Variants in STARD9 observed in about 807,000 individuals in gnomAD.
STARD9 encodes StAR related lipid transfer domain containing 9, also known as stAR-related lipid transfer protein 9.
STARD9 carries 346 observed loss-of-function variants against 399.8 expected under a neutral mutation model. The observed-to-expected ratio is 0.87, with a 90% confidence interval of 0.79 to 0.95. The LOEUF is 0.95. Among genes scored for constraint, STARD9 ranks in the 40% least tolerant of loss-of-function variants. The pLI is 0.00. For missense variants in STARD9, 5,832 were observed against 5,667.5 expected, an observed-to-expected ratio of 1.03 and a Z score of -0.93; for synonymous variants, 2,203 against 2,143.5, an observed-to-expected ratio of 1.03 and a Z score of -0.77.
At position 42,681,295 on chromosome 15, in the gene STARD9, A is replaced by G. The variant is rs2060421695; in HGVS notation, c.1875-127A>G. On this transcript the variant is annotated intron_variant, in intron 20 of 32. Transcript: ENST00000290607. ...CCAGGCCTGTTTGTCCAAGGTTGCCAGAAGTCCAAAGCACTCTCTACCCTG... is the reference window on the plus strand; with the variant it reads ...CCAGGCCTGTTTGTCCAAGGTTGCCGGAAGTCCAAAGCACTCTCTACCCTG... 4.4e-5 allele frequency: 41 copies of G among 939,428 alleles called. No individual in the cohort carries two copies. In the South Asian group the frequency reaches 6.5e-4, roughly 15 times the overall value. 58.2% of individuals were successfully genotyped at this position (939,428 alleles called of 1,614,324 possible). A position where few individuals can be genotyped will look rare whatever the true frequency, so the allele number is the denominator to read the frequency against.
chr15:42,675,516 GAT>G, intron 18 of STARD9, 146 bp from the exon 19 acceptor site: 1 of 622,280 alleles, frequency 1.6e-6, no homozygotes, highest in East Asian at 2.8e-5. Flanking sequence ...TATGCTGTGA[GAT>G]GCAGAATTAA....
At chr15:42,649,828 ACTGGGATTACAGGCATGAGGCACCGAGC>A (rs1566903451) in intron 7 of STARD9, among the ~76,000 whole-genome samples, 10 of 144,690 alleles carry the variant, frequency 6.9e-5, no homozygotes, top group African/African-American at 2.6e-4. Context: ...CCAAAGTAGT[ACTGGGATTACAGGCATGAGGCACCGAGC>A]CTGGCCTTTT....
At chr15:42,646,208 TA>T (rs150907526) in intron 7 of STARD9, among the ~76,000 whole-genome samples, 14 of 152,032 alleles carry the variant, frequency 9.2e-5, no homozygotes, top group Non-Finnish European at 1.8e-4. Flanking sequence ...AATAATAAAA[TA>T]AAGTCACCAG....
At chr15:42,702,235 G>A (rs2060981159) in intron 26 of STARD9, among the ~76,000 whole-genome samples, 1 of 152,014 alleles carries the variant, frequency 6.6e-6, no homozygotes, top group Non-Finnish European at 1.5e-5. Flanking sequence ...TCAGAGTCTT[G>A]CTCTGTCGCC....
chr15:42,695,291 A>AT lies in STARD9; in HGVS notation c.13115dup (p.His4373ProfsTer14), dbSNP rs775407998. The AT allele has an allele frequency of 2.1e-5, 32 of 1,536,498 alleles. No homozygotes were observed. The South Asian group carries it at 3.7e-4, about 18-fold the overall frequency. ...GCGGACTGAACAAGAGAAGCTGAGA[A>AT]TCCACCAGAAGATCATTTCCCAGCT... On this transcript the variant is annotated frameshift_variant, in exon 25 of 33. Coordinates refer to ENST00000290607, the MANE Select transcript of STARD9 (RefSeq NM_020759.3). LOFTEE classifies it high-confidence loss of function.
Position 42,691,444 on chromosome 15 carries a change from G to A in STARD9, c.9866G>A (p.Gly3289Asp), listed in dbSNP as rs1462519043. 6 of 1,537,052 alleles carry A rather than the reference G, an allele frequency of 3.9e-6. No individual in the cohort carries two copies. In the African/African-American group the frequency reaches 4.1e-5, roughly 11 times the overall value. Residue 3289 changes from glycine to aspartate, a missense_variant, in exon 23 of 33, where the codon GGC becomes GAC. Physicochemically the swap from Gly to Asp is moderately conservative, Grantham distance 94. Coordinates refer to ENST00000290607, the MANE Select transcript of STARD9 (RefSeq NM_020759.3). ...CCGCAGCCTGCTGCTCAGAGGAGTG[G>A]CCACCTCTACACTGGCAGAGAGCAG... ...ETPQPAAQRSGHLYTGREQPA... is the reference protein window; with the variant it reads ...ETPQPAAQRSDHLYTGREQPA...
intron 1 of STARD9, among the ~76,000 whole-genome samples, chr15:42,577,442 T>C (rs964769001): frequency 6.6e-6 from 1 of 152,234 alleles, no homozygotes; most frequent in East Asian, 1.9e-4. Flanking sequence ...CGTGAGCCAC[T>C]GCGCCCAGCC....
chr15:42,681,299 GT>G, intron 20 of STARD9, 122 bp from the exon 21 acceptor site: 1 of 1,016,586 alleles, frequency 9.8e-7, no homozygotes. Flanking sequence ...GTTGCCAGAA[GT>G]CCAAAGCACT....
At chr15:42,583,655 A>G (rs2058218078) in intron 2 of STARD9, among the ~76,000 whole-genome samples, 1 of 152,170 alleles carries the variant, frequency 6.6e-6, no homozygotes, top group South Asian at 2.1e-4. Context: ...TGTTTTGGAA[A>G]TTAGTTGGTA....
Position 42,693,836 on chromosome 15 carries a change from C to T in STARD9, c.12258C>T (p.Ser4086=). The change falls in exon 23 of 33, where the codon AGC becomes AGT. Residue 4086 remains serine (S), a synonymous_variant. Transcript: ENST00000290607. The part of the protein sequence containing the change: ...PSSWGGLQHL[S]PCPVSELTDT... ...CATGGGGAGGCCTCCAGCACCTCAG[C>T]CCCTGCCCTGTCTCTGAGTTGACTG... 10 of 1,536,772 alleles carry T rather than the reference C, an allele frequency of 6.5e-6. No individual in the cohort carries two copies. Among genetic ancestry groups the T allele is most frequent in the Non-Finnish European group, 7.8e-6 (9 of 1,146,748 alleles).
At chr15:42,578,570 C>T (rs1275541192) in intron 1 of STARD9, among the ~76,000 whole-genome samples, 1 of 151,942 alleles carries the variant, frequency 6.6e-6, no homozygotes, top group Non-Finnish European at 1.5e-5. Context: ...ATACTGTAGG[C>T]TCTAGAAGAC....
rs760365912 is a variant in STARD9, at chr15:42,662,893, T to C, written c.868+2T>C. On this transcript the variant is annotated splice_donor_variant, in intron 11 of 32. Coordinates refer to ENST00000290607, the MANE Select transcript of STARD9 (RefSeq NM_020759.3). LOFTEE classifies it high-confidence loss of function. The stretch of plus-strand genomic sequence containing the variant: ...TAGGAATTGTCATCTCCACCTTAGG[T>C]ATTTTCTGATAGATAATGGGAGTGG... 1 of 1,525,314 alleles carries C rather than the reference T, an allele frequency of 6.6e-7. No individual in the cohort carries two copies. The highest frequency in any genetic ancestry group is 8.8e-7 in the Non-Finnish European group (1 of 1,136,106). 94.5% of individuals were successfully genotyped at this position (1,525,314 alleles called of 1,614,324 possible).
chr15:42,587,291 C>G lies in STARD9; in HGVS notation c.234+1654C>G, dbSNP rs138770997. On this transcript the variant is annotated intron_variant, in intron 3 of 32. Transcript: ENST00000290607. ...TTCTAAATCACAGATTTAGATATTT[C>G]TAAATTTAAATATTTCTAAATTACC... Among the ~76,000 whole-genome samples, 1,357 of 152,230 alleles carry G rather than the reference C, an allele frequency of 8.9e-3. 26 individuals carry two copies. Among genetic ancestry groups the G allele is most frequent in the African/African-American group, 0.031 (1,297 of 41,520 alleles).
intron 3 of STARD9, among the ~76,000 whole-genome samples, chr15:42,608,619 T>A (rs999259904): frequency 6.6e-6 from 1 of 152,208 alleles, no homozygotes; most frequent in Non-Finnish European, 1.5e-5. Context: ...TGTTTTCTTA[T>A]ATAAAATTAT....
chr15:42,687,324 C>T lies in STARD9; in HGVS notation c.5746C>T (p.Arg1916Ter), dbSNP rs1021722320. The T allele has an allele frequency of 4.6e-6, 7 of 1,536,578 alleles. No homozygotes were observed. The highest frequency in any genetic ancestry group is 3.6e-5 in the South Asian group (3 of 84,070). Residue 1916 changes from arginine (R) to a stop codon, truncating the protein, a stop_gained, in exon 23 of 33, where the codon CGA becomes TGA. Coordinates refer to ENST00000290607, the MANE Select transcript of STARD9 (RefSeq NM_020759.3). LOFTEE classifies it high-confidence loss of function. Reference sequence around the variant, plus strand: ...TCTCCTCTTTCGTGAATCTGAGGCACGAGAGGAAGAAGAGCTGGATCAGAA... The same window carrying T: ...TCTCCTCTTTCGTGAATCTGAGGCATGAGAGGAAGAAGAGCTGGATCAGAA... Reference protein sequence around the residue: ...KSLLFRESEAREEEELDQNTV... With the variant: ...KSLLFRESEA
In STARD9 at chr15:42,638,221, G is replaced by A. The variant is rs59881302; in HGVS notation, c.446+134G>A. 0.014 allele frequency: 10,853 copies of A among 784,876 alleles called. 580 individuals carry two copies. In the African/African-American group the frequency reaches 0.14, roughly 10 times the overall value. 48.6% of individuals were successfully genotyped at this position (784,876 alleles called of 1,614,324 possible). ...AAAGCCACAGAAGAAATATCTTGCA[G>A]TACAAGAGCTGAGAAAGATACTTAG... On this transcript the variant is annotated intron_variant, in intron 6 of 32. Transcript: ENST00000290607.
chr15:42,699,033 G>A (rs1489615941), intron 26 of STARD9, among the ~76,000 whole-genome samples: 2 of 148,564 alleles, frequency 1.3e-5, no homozygotes, highest in African/African-American at 5.0e-5. Flanking sequence ...AAAAAAAATT[G>A]TCTTATTTTA....
chr15:42,644,299 C>G (rs916971972), intron 7 of STARD9, among the ~76,000 whole-genome samples: 2 of 152,138 alleles, frequency 1.3e-5, no homozygotes, highest in African/African-American at 2.4e-5. Context: ...AGAGACCATC[C>G]TGGCTAACAT....
intron 26 of STARD9, among the ~76,000 whole-genome samples, chr15:42,696,777 C>T (rs146328575): frequency 3.9e-5 from 6 of 151,940 alleles, no homozygotes; most frequent in African/African-American, 1.2e-4. Flanking sequence ...GAAGGAAGAG[C>T]GGGGAGTTGA....
Sources: allele counts gnomAD v4.1 joint callset (sites outside exome capture counted in the v4.1 genomes callset), GRCh38; gene constraint gnomAD v4.1.1; transcripts MANE v1.5; gene names NCBI Gene and HGNC (gene_info 2026-07-23, HGNC 2026-07-21).